The following CARM1 variants were observed in gnomAD, a reference collection of about 807,000 sequenced individuals.
CARM1 encodes the protein histone-arginine methyltransferase CARM1.
In CARM1, 14 loss-of-function variants were observed where a neutral mutation model predicts 72.7. The ratio of observed to expected loss-of-function variants is 0.19; its 90% CI spans 0.13 to 0.30. CARM1 has a LOEUF of 0.30. Ranked by LOEUF, CARM1 falls within the 10% of genes least tolerant of loss-of-function variation. CARM1 has a pLI of 1.00. For synonymous variants in CARM1, 333 were observed against 345.5 expected (o/e 0.96, Z 0.40); for missense variants, 432 against 833.7 (o/e 0.52, Z 5.93).
chr19:10,912,139 C>T lies in CARM1; in HGVS notation c.559-45C>T, dbSNP rs1263235090. The T allele has an allele frequency of 1.4e-6, 2 of 1,382,866 alleles. No homozygotes were observed. The highest frequency in any genetic ancestry group is 1.7e-5 in the Admixed American group (1 of 59,756). The allele number at this position is 1,382,866 out of a possible 1,614,324, so 85.7% of individuals were successfully genotyped here. A position where few individuals can be genotyped will look rare whatever the true frequency, so the allele number is the denominator to read the frequency against. ...TATGATCACTGTCACCTCCCCATCA[C>T]CGTCGCCTCCTATGTCTCGCTCTCA... is the stretch of plus-strand genomic sequence containing the variant. On this transcript the variant is annotated intron_variant, in intron 4 of 15. Coordinates refer to ENST00000327064, the MANE Select transcript of CARM1 (RefSeq NM_199141.2). This position sits in a 1 kb window ranked among gnomAD's most constrained non-coding sequence, Gnocchi z 4.5.
intron 8 of CARM1, among the ~76,000 whole-genome samples, chr19:10,917,718 C>CT (rs1164032277): frequency 0.07 from 9,130 of 129,736 alleles, 599 homozygotes; most frequent in East Asian, 0.35. Flanking sequence ...TTTTCTTTTT[C>CT]TTTTTTTTTT....
At chr19:10,887,297 A>G (rs2073949007) in intron 1 of CARM1, among the ~76,000 whole-genome samples, 1 of 152,062 alleles carries the variant, frequency 6.6e-6, no homozygotes, top group African/African-American at 2.4e-5. Context: ...CCTCTTCCAG[A>G]GCTCGCCAAA....
chr19:10,881,934 C>A (rs576402312), intron 1 of CARM1, among the ~76,000 whole-genome samples: 5 of 151,846 alleles, frequency 3.3e-5, no homozygotes, highest in African/African-American at 1.2e-4. Flanking sequence ...GTCTGAGGAG[C>A]GCTAAATCAG....
chr19:10,899,279 G>A (rs1355626250), intron 1 of CARM1, among the ~76,000 whole-genome samples: 1 of 152,186 alleles, frequency 6.6e-6, no homozygotes, highest in Non-Finnish European at 1.5e-5. Flanking sequence ...CCTGCCTGGC[G>A]CCAGGTCAGA....
intron 2 of CARM1, among the ~76,000 whole-genome samples, chr19:10,906,831 G>T (rs2074107603): frequency 2.6e-5 from 4 of 151,036 alleles, no homozygotes; most frequent in Admixed American, 6.6e-5. Flanking sequence ...ATATAATTTA[G>T]TGGCTATTAT....
intron 1 of CARM1, among the ~76,000 whole-genome samples, chr19:10,872,684 TG>T (rs1568343276): frequency 6.6e-6 from 1 of 152,130 alleles, no homozygotes; most frequent in Non-Finnish European, 1.5e-5. Flanking sequence ...GACATTTCAC[TG>T]GGGGGAAAAG....
At chr19:10,882,597 A>G (rs1403493300) in intron 1 of CARM1, among the ~76,000 whole-genome samples, 1 of 142,382 alleles carries the variant, frequency 7.0e-6, no homozygotes, top group African/African-American at 2.7e-5. Context: ...GCTGGAATAC[A>G]GTGGAGCGAT....
intron 1 of CARM1, among the ~76,000 whole-genome samples, chr19:10,898,966 G>A (rs1354958685): frequency 6.6e-6 from 1 of 151,868 alleles, no homozygotes; most frequent in Non-Finnish European, 1.5e-5. Context: ...GAGCCATGAG[G>A]AATGATGGGC....
rs1408073060 is a variant in CARM1, at chr19:10,915,739, T to C, written c.848-668T>C. Among the ~76,000 whole-genome samples, 1 of 152,010 alleles carries C rather than the reference T, an allele frequency of 6.6e-6. No individual in the cohort carries two copies. Among genetic ancestry groups the C allele is most frequent in the Admixed American group, 6.5e-5 (1 of 15,270 alleles). On this transcript the variant is annotated intron_variant, in intron 6 of 15. Transcript: ENST00000327064. The surrounding 1 kb of genome is among the most constrained non-coding windows in gnomAD (Gnocchi z 4.6). The stretch of plus-strand genomic sequence containing the variant: ...CCACATCTGGAGGCCAGGTGCTCCT[T>C]GGGGCAGGCGGGGCTGCGGGGCCCT...
rs2073979647 is a variant in CARM1, at chr19:10,890,760, C to CGT, written c.221-14191_221-14190insGT. ...ATATACACATGCATATACACACACA[C>CGT]ATATACACACACACATATATATATA... On this transcript the variant is annotated intron_variant, in intron 1 of 15. Transcript: ENST00000327064. Among the ~76,000 whole-genome samples, 4 of 123,000 alleles carry CGT rather than the reference C, an allele frequency of 3.3e-5. No homozygotes were observed. In the South Asian group the frequency reaches 1.1e-3, roughly 33 times the overall value. 80.7% of individuals were successfully genotyped at this position (123,000 alleles called of 152,430 possible).
In CARM1 at chr19:10,896,935, G is replaced by T. The variant is rs1421773051; in HGVS notation, c.221-8016G>T. Reference sequence around the variant, plus strand: ...CTGCTCTGCACCTGTAATCCTTCCGGGTTTTGCAAATGAAGCTTTATGGGC... The same window carrying T: ...CTGCTCTGCACCTGTAATCCTTCCGTGTTTTGCAAATGAAGCTTTATGGGC... On this transcript the variant is annotated intron_variant, in intron 1 of 15. Transcript: ENST00000327064. The surrounding 1 kb of genome is among the most constrained non-coding windows in gnomAD (Gnocchi z 5.2). Among the ~76,000 whole-genome samples, 1 of 152,162 alleles carries T rather than the reference G, an allele frequency of 6.6e-6. No individual in the cohort carries two copies. The highest frequency in any genetic ancestry group is 2.4e-5 in the African/African-American group (1 of 41,448).
chr19:10,917,108 T>A (rs935071728), intron 8 of CARM1, among the ~76,000 whole-genome samples: 1 of 151,990 alleles, frequency 6.6e-6, no homozygotes, highest in Non-Finnish European at 1.5e-5. Flanking sequence ...CATTACTAGA[T>A]GAATTTATCC....
At chr19:10,881,151 G>A (rs11880628) in intron 1 of CARM1, among the ~76,000 whole-genome samples, 32,485 of 152,040 alleles carry the variant, frequency 0.21, 3,704 homozygotes, top group Middle Eastern at 0.31. Context: ...GGGAAACAGG[G>A]CAAGACCTTG....
chr19:10,913,554 T>C (rs2074171070), intron 5 of CARM1, among the ~76,000 whole-genome samples: 1 of 150,570 alleles, frequency 6.6e-6, no homozygotes, highest in African/African-American at 2.4e-5. Context: ...AAAAAAAAAA[T>C]AGTTTTTTTT....
chr19:10,889,249 C>T (rs999645975), intron 1 of CARM1, among the ~76,000 whole-genome samples: 2 of 152,052 alleles, frequency 1.3e-5, no homozygotes, highest in Admixed American at 1.3e-4. Flanking sequence ...ACCTCTGTTC[C>T]GTAGGTGGCT....
At chr19:10,921,328 G>A (rs2074245827) in intron 14 of CARM1, 47 bp from the exon 15 acceptor site, 1 of 1,601,718 alleles carries the variant, frequency 6.2e-7, no homozygotes, top group Non-Finnish European at 8.5e-7. Flanking sequence ...GTGGCTGGGG[G>A]CGGTGACGCC....
chr19:10,921,612 C>T lies in CARM1; in HGVS notation c.1685-3C>T. The T allele has an allele frequency of 6.2e-7, 1 of 1,608,932 alleles. No homozygotes were observed. The highest frequency in any genetic ancestry group is 8.5e-7 in the Non-Finnish European group (1 of 1,176,834). On this transcript the variant is annotated splice_region_variant and splice_polypyrimidine_tract_variant and intron_variant, in intron 15 of 15. Transcript: ENST00000327064. ...CCCCTCACTGCCATTGCCTGCTCCA[C>T]AGGGTCCTCCGGCGCCCAGGGCAGT...
In CARM1 at chr19:10,919,917, C is replaced by T. The variant is rs147694084; in HGVS notation, c.1147C>T (p.Leu383=). Residue 383 remains leucine (L), a synonymous_variant, in exon 10 of 16, where the codon CTG becomes TTG. Transcript: ENST00000327064. ...PFKFHMLHSG[L]VHGLAFWFDV... is the part of the protein sequence containing the mutation. ...CAAATTCCACATGCTGCATTCAGGG[C>T]TGGTCCACGGCCTGGCTTTCTGGTT... The T allele has an allele frequency of 1.4e-5, 22 of 1,614,068 alleles. No individual in the cohort carries two copies. The African/African-American group carries it at 2.7e-4, about 20-fold the overall frequency.
At chr19:10,878,724 C>T (rs1350303756) in intron 1 of CARM1, among the ~76,000 whole-genome samples, 1 of 151,934 alleles carries the variant, frequency 6.6e-6, no homozygotes, top group Non-Finnish European at 1.5e-5. Context: ...ATTTTTTGTG[C>T]TCTAATGCTA....
Sources: allele counts gnomAD v4.1 joint callset (sites outside exome capture counted in the v4.1 genomes callset), GRCh38; gene constraint gnomAD v4.1.1; non-coding constraint Gnocchi (gnomAD v3.1); transcripts MANE v1.5; gene names NCBI Gene and HGNC (gene_info 2026-07-23, HGNC 2026-07-21).